Variants in DTHD1 observed in about 807,000 individuals in gnomAD.
The protein encoded by DTHD1 is death domain containing 1.
In DTHD1, 59 loss-of-function variants were observed where a neutral mutation model predicts 74.8. The observed-to-expected ratio is 0.79, with a 90% CI of 0.64 to 0.98. The LOEUF (loss-of-function observed/expected upper bound fraction) is 0.98. Among genes scored for constraint, DTHD1 ranks in the 50% least tolerant of loss-of-function variants. DTHD1 has a pLI of 0.00. For synonymous variants in DTHD1, 365 were observed against 371.1 expected, an observed-to-expected ratio of 0.98 and a Z score of 0.19; for missense variants, 1,051 against 1,065.4, an observed-to-expected ratio of 0.99 and a Z score of 0.19.
At chr4:36,339,049 G>A (rs568785449) in intron 8 of DTHD1, 63 bp from the exon 9 acceptor site, 124 of 1,343,450 alleles carry the variant, frequency 9.2e-5, no homozygotes, top group African/African-American at 5.9e-4. Flanking sequence ...ATGAATTTTC[G>A]TTGTAGCTTA....
chr4:36,337,261 A>G (rs1253835164), intron 8 of DTHD1, among the ~76,000 whole-genome samples: 2 of 152,174 alleles, frequency 1.3e-5, no homozygotes, highest in Non-Finnish European at 2.9e-5. Context: ...GGAGACCAAC[A>G]CAGTGCCTGG....
At chr4:36,292,226 C>T in intron 3 of DTHD1, among the ~76,000 whole-genome samples, 1 of 151,998 alleles carries the variant, frequency 6.6e-6, no homozygotes, top group Non-Finnish European at 1.5e-5. Context: ...GTGTAACTAT[C>T]ACAATACAAG....
chr4:36,312,952 A>G (rs1757488503), intron 7 of DTHD1, among the ~76,000 whole-genome samples: 1 of 152,228 alleles, frequency 6.6e-6, no homozygotes, highest in Admixed American at 6.5e-5. Flanking sequence ...ATTGCAGTAA[A>G]CCAGGCAAAA....
chr4:36,303,084 A>C (rs1271231211), intron 5 of DTHD1, among the ~76,000 whole-genome samples: 1 of 152,216 alleles, frequency 6.6e-6, no homozygotes, highest in Non-Finnish European at 1.5e-5. Flanking sequence ...GTGAGTCCCA[A>C]GCAAAATTGG....
chr4:36,337,481 C>G (rs904713771), intron 8 of DTHD1, among the ~76,000 whole-genome samples: 4 of 152,204 alleles, frequency 2.6e-5, no homozygotes, highest in African/African-American at 9.6e-5. Flanking sequence ...ATATGTATCT[C>G]TTGTCCAAGG....
At chr4:36,289,690 T>A (rs1260895410) in intron 2 of DTHD1, among the ~76,000 whole-genome samples, 1 of 152,160 alleles carries the variant, frequency 6.6e-6, no homozygotes, top group Non-Finnish European at 1.5e-5. Context: ...AAATAGTGAC[T>A]GATCTCAAAT....
intron 8 of DTHD1, among the ~76,000 whole-genome samples, chr4:36,335,700 A>C (rs1282747401): frequency 6.6e-6 from 1 of 152,234 alleles, no homozygotes. Flanking sequence ...GGAGGGTTAA[A>C]AACTTTTGGA....
At chr4:36,307,571 T>A (rs137987265) in intron 6 of DTHD1, among the ~76,000 whole-genome samples, 1 of 152,324 alleles carries the variant, frequency 6.6e-6, no homozygotes, top group African/African-American at 2.4e-5. Context: ...AATGTGTATG[T>A]GTGTGGGGAG....
At chr4:36,322,593 C>T (rs927882357) in intron 8 of DTHD1, among the ~76,000 whole-genome samples, 1 of 151,792 alleles carries the variant, frequency 6.6e-6, no homozygotes, top group Non-Finnish European at 1.5e-5. Context: ...GTCAAGGACT[C>T]GAAGGAAGGC....
intron 8 of DTHD1, among the ~76,000 whole-genome samples, chr4:36,318,572 C>T (rs768264979): frequency 1.7e-4 from 26 of 150,380 alleles, no homozygotes; most frequent in Non-Finnish European, 3.6e-4. Flanking sequence ...ATCTGGTGTA[C>T]ATCTATCAGT....
In DTHD1 at chr4:36,343,593, T is replaced by TA. The variant is rs1759440262; in HGVS notation, c.2491dup (p.Ser831LysfsTer12). On this transcript the variant is annotated frameshift_variant, in exon 10 of 10. Transcript: ENST00000639862. LOFTEE classifies it high-confidence loss of function. Reference sequence around the variant, plus strand: ...TTTCCTCAACTCTCCCTCTGCGCCGTAGCACCATTCAGCTCATCAAACTCA... The same window carrying TA: ...TTTCCTCAACTCTCCCTCTGCGCCGTAAGCACCATTCAGCTCATCAAACTCA... 3 of 1,551,680 alleles carry TA rather than the reference T, an allele frequency of 1.9e-6. No homozygotes were observed. Among genetic ancestry groups the TA allele is most frequent in the African/African-American group, 2.7e-5 (2 of 73,034 alleles).
In DTHD1 at chr4:36,345,316, G is replaced by A. The variant is rs1759534122; in HGVS notation, c.*1492G>A. 1 of 152,052 alleles carries A rather than the reference G, an allele frequency of 6.6e-6. No homozygotes were observed. The highest frequency in any genetic ancestry group is 1.5e-5 in the Non-Finnish European group (1 of 67,992). 9.4% of individuals were successfully genotyped at this position (152,052 alleles called of 1,614,324 possible). A position where few individuals can be genotyped will look rare whatever the true frequency, so the allele number is the denominator to read the frequency against. On this transcript the variant is annotated 3_prime_UTR_variant, in exon 10 of 10. Transcript: ENST00000639862. ...GCTTTGAGTTTTTGGAAAGCCTAACGCCCTTTAGCTCTCTGAAGCAGTTGG... is the reference window on the plus strand; with the variant it reads ...GCTTTGAGTTTTTGGAAAGCCTAACACCCTTTAGCTCTCTGAAGCAGTTGG...
chr4:36,334,288 G>A (rs1306345690), intron 8 of DTHD1, among the ~76,000 whole-genome samples: 1 of 151,392 alleles, frequency 6.6e-6, no homozygotes, highest in Non-Finnish European at 1.5e-5. Context: ...TCCCTTTTTT[G>A]CCCCTTTCTC....
At chr4:36,340,279 T>C (rs1020108513) in intron 9 of DTHD1, among the ~76,000 whole-genome samples, 2 of 152,142 alleles carry the variant, frequency 1.3e-5, no homozygotes, top group Non-Finnish European at 1.5e-5. Context: ...TACAAGAAAT[T>C]TGTCAACAGG....
chr4:36,316,200 G>A (rs1456425178), intron 7 of DTHD1, 42 bp from the exon 8 acceptor site: 1 of 1,534,372 alleles, frequency 6.5e-7, no homozygotes, highest in East Asian at 2.5e-5. Flanking sequence ...CTCCCAAAGT[G>A]AGATAACTTA....
chr4:36,282,036 ATTCTTTTTTTTAGTTTATTCT>A lies in DTHD1; in HGVS notation c.271+12_271+32del. The A allele has an allele frequency of 6.6e-7, 1 of 1,521,686 alleles. No individual in the cohort carries two copies. The highest frequency in any genetic ancestry group is 8.8e-7 in the Non-Finnish European group (1 of 1,131,064). The allele number at this position is 1,521,686 out of a possible 1,614,324, so 94.3% of individuals were successfully genotyped here. On this transcript the variant is annotated splice_region_variant and intron_variant, in intron 1 of 9. Coordinates refer to ENST00000639862, the MANE Select transcript of DTHD1 (RefSeq NM_001170700.3). ...CAATGTGTCTCGAGAAAAGGCAAGT[ATTCTTTTTTTTAGTTTATTCT>A]TTCTCTAAGAAATATTGATTAGGGC...
At chr4:36,334,141 G>C (rs1294999961) in intron 8 of DTHD1, among the ~76,000 whole-genome samples, 1 of 152,070 alleles carries the variant, frequency 6.6e-6, no homozygotes, top group East Asian at 1.9e-4. Flanking sequence ...ATTTATAGGG[G>C]TGCTAGTTGA....
intron 7 of DTHD1, among the ~76,000 whole-genome samples, chr4:36,315,040 T>G (rs1330047248): frequency 1.3e-5 from 2 of 152,152 alleles, no homozygotes; most frequent in Non-Finnish European, 2.9e-5. Flanking sequence ...AATACACAAA[T>G]CATAGAGGCT....
In DTHD1 at chr4:36,295,013, T is replaced by C. The variant is rs1377625344; in HGVS notation, c.1617T>C (p.Asn539=). Reference sequence around the variant, plus strand: ...AAAGAAGAGCAAGTGCCACAATAAATAGGATTACACCTTCGTATTTCAACC... The same window carrying C: ...AAAGAAGAGCAAGTGCCACAATAAACAGGATTACACCTTCGTATTTCAACC... ...DHKRRASATI[N]RITPSYFNRT... is the part of the protein sequence containing the mutation. Residue 539 remains asparagine, a synonymous_variant, in exon 5 of 10, where the codon AAT becomes AAC. Transcript: ENST00000639862. 3.3e-5 allele frequency: 51 copies of C among 1,549,650 alleles called. No homozygotes were observed. In the Middle Eastern group the frequency reaches 1.3e-3, roughly 40 times the overall value.
Sources: allele counts gnomAD v4.1 joint callset (sites outside exome capture counted in the v4.1 genomes callset), GRCh38; gene constraint gnomAD v4.1.1; transcripts MANE v1.5; gene names NCBI Gene and HGNC (gene_info 2026-07-23, HGNC 2026-07-21).